PDE8B: variants seen among roughly 807,000 people sequenced by gnomAD.
PDE8B encodes the protein phosphodiesterase 8B.
In PDE8B, 26 loss-of-function variants were observed where a neutral mutation model predicts 101.3. That is an observed-to-expected ratio of 0.26 (90% CI 0.19 to 0.36). The LOEUF is 0.36. Ranked by LOEUF, PDE8B falls within the 10% of genes least tolerant of loss-of-function variation. The pLI is 1.00. For synonymous variants in PDE8B, 424 were observed against 429.3 expected (o/e 0.99, Z 0.15); for missense variants, 810 against 1,163.1 (o/e 0.70, Z 4.42).
intron 19 of PDE8B, among the ~76,000 whole-genome samples, chr5:77,420,602 T>G (rs746972757): frequency 2.0e-5 from 3 of 152,214 alleles, no homozygotes; most frequent in South Asian, 4.1e-4. Context: ...AGTAAGGAGA[T>G]GAACTGTGTA....
At chr5:77,405,852 C>T (rs1793320364) in intron 12 of PDE8B, among the ~76,000 whole-genome samples, 2 of 152,048 alleles carry the variant, frequency 1.3e-5, no homozygotes, top group Non-Finnish European at 1.5e-5. Flanking sequence ...TGGGAGGACA[C>T]GTTCTGGGGT....
the PDE8B span, among the ~76,000 whole-genome samples, chr5:77,122,979 A>G: frequency 5.9e-5 from 9 of 152,322 alleles, no homozygotes; most frequent in East Asian, 1.7e-3. Context: ...GAAATTATAC[A>G]AAGTGTTGTC....
At chr5:77,266,974 C>T (rs1761846458) in intron 1 of PDE8B, among the ~76,000 whole-genome samples, 1 of 152,084 alleles carries the variant, frequency 6.6e-6, no homozygotes, top group Non-Finnish European at 1.5e-5. Flanking sequence ...TTGTTCCAAA[C>T]ATCCAAATTT....
chr5:77,423,829 G>A (rs1027261902), intron 20 of PDE8B, among the ~76,000 whole-genome samples: 2 of 151,626 alleles, frequency 1.3e-5, no homozygotes, highest in Admixed American at 6.6e-5. Flanking sequence ...TAGAGATGGG[G>A]TTTCCCTGTG....
At chr5:77,388,446 T>C (rs545416020) in intron 10 of PDE8B, among the ~76,000 whole-genome samples, 427 of 152,338 alleles carry the variant, frequency 2.8e-3, no homozygotes, top group African/African-American at 0.01. Flanking sequence ...CTCTGGAAGC[T>C]TCAGCCCAAA....
the PDE8B span, among the ~76,000 whole-genome samples, chr5:77,169,417 C>CA: frequency 6.6e-6 from 1 of 152,188 alleles, no homozygotes; most frequent in Non-Finnish European, 1.5e-5. Context: ...GGCTGACCCC[C>CA]AACGTCTGAG....
intron 1 of PDE8B, among the ~76,000 whole-genome samples, chr5:77,212,346 A>G (rs1417394770): frequency 2.0e-5 from 3 of 152,348 alleles, no homozygotes; most frequent in East Asian, 3.9e-4. Context: ...ATAGTTAAAA[A>G]CTTGGTCTTC....
chr5:77,207,828 A>G (rs548500004), upstream of PDE8B, among the ~76,000 whole-genome samples: 3 of 152,284 alleles, frequency 2.0e-5, no homozygotes, highest in East Asian at 5.8e-4. Flanking sequence ...CACTTGGTGG[A>G]GATTATAAGG....
At chr5:77,391,984 A>G (rs542845296) in intron 10 of PDE8B, among the ~76,000 whole-genome samples, 2 of 152,350 alleles carry the variant, frequency 1.3e-5, no homozygotes, top group East Asian at 3.9e-4. Flanking sequence ...AAGTAGCTGT[A>G]TAGCAAATGG....
chr5:77,291,051 T>C (rs1767214742), intron 1 of PDE8B: 2 of 1,611,286 alleles, frequency 1.2e-6, no homozygotes, highest in Non-Finnish European at 1.7e-6. Context: ...GCAGGAGAGG[T>C]TTGGGAGAAG....
intron 10 of PDE8B, among the ~76,000 whole-genome samples, chr5:77,388,677 C>T (rs1260401187): frequency 1.3e-5 from 2 of 152,172 alleles, no homozygotes; most frequent in East Asian, 3.9e-4. Context: ...CCACAGCTGC[C>T]CCTTCCCCAA....
In PDE8B at chr5:77,358,396, G is replaced by A. The variant is rs917274174; in HGVS notation, c.1167+4990G>A. On this transcript the variant is annotated intron_variant, in intron 10 of 21. Transcript: ENST00000264917. ...CCCATGTCTCTACCCTGCAAAGAGG[G>A]AGCAGGGACACTTTTTGTCTGCACC... 7 of 974,350 alleles carry A rather than the reference G, an allele frequency of 7.2e-6. No homozygotes were observed. In the African/African-American group the frequency reaches 1.1e-4, roughly 15 times the overall value. The allele number at this position is 974,350 out of a possible 1,614,324, so 60.4% of individuals were successfully genotyped here.
the PDE8B span, among the ~76,000 whole-genome samples, chr5:77,127,425 T>C: frequency 4.7e-4 from 72 of 152,316 alleles, no homozygotes; most frequent in African/African-American, 1.7e-3. Flanking sequence ...TCCACCATGA[T>C]TGTAAGTTTC....
intron 1 of PDE8B, among the ~76,000 whole-genome samples, chr5:77,295,502 T>C (rs1348683233): frequency 6.6e-6 from 1 of 152,188 alleles, no homozygotes; most frequent in Non-Finnish European, 1.5e-5. Context: ...TCTCCTCTGC[T>C]CAGGTGTTGG....
rs142603798 is a variant in PDE8B at position 77,369,064 on chromosome 5, G to A, written c.1167+15658G>A. Reference sequence around the variant, plus strand: ...CTAAAAATACAAAAATTAGCTGGGCGTGGTGGTGCAGGCCTGTAATCCAAG... The same window carrying A: ...CTAAAAATACAAAAATTAGCTGGGCATGGTGGTGCAGGCCTGTAATCCAAG... On this transcript the variant is annotated intron_variant, in intron 10 of 21. Coordinates refer to ENST00000264917, the MANE Select transcript of PDE8B (RefSeq NM_003719.5). 6.7e-4 allele frequency among the ~76,000 whole-genome samples: 102 copies of A among 151,702 alleles called. 2 individuals are homozygous for A. The South Asian group carries it at 0.017, about 26-fold the overall frequency.
the PDE8B span, among the ~76,000 whole-genome samples, chr5:77,163,717 C>G: frequency 1.3e-5 from 2 of 152,176 alleles, no homozygotes; most frequent in African/African-American, 4.8e-5. Context: ...TAGTCTCTGC[C>G]CAATTGGCCA....
intron 10 of PDE8B, among the ~76,000 whole-genome samples, chr5:77,365,685 A>G (rs1783987823): frequency 6.6e-6 from 1 of 152,232 alleles, no homozygotes; most frequent in Non-Finnish European, 1.5e-5. Flanking sequence ...TGTCAGGGCC[A>G]GGGAGCTTGG....
rs78495340 is a variant in PDE8B, at chr5:77,305,306, G to A, written c.340-6688G>A. ...TTCTAGACCAGAGGATTGGAAGCAG[G>A]AAGGAGAAGGGAAGCTCATGGGCTG... On this transcript the variant is annotated intron_variant, in intron 1 of 21. Coordinates refer to ENST00000264917, the MANE Select transcript of PDE8B (RefSeq NM_003719.5). 3.6e-4 allele frequency among the ~76,000 whole-genome samples: 55 copies of A among 152,322 alleles called. 1 individual carries two copies. The East Asian group carries it at 0.011, about 29-fold the overall frequency.
chr5:77,193,537 T>C, the PDE8B span, among the ~76,000 whole-genome samples: 2 of 152,344 alleles, frequency 1.3e-5, no homozygotes, highest in African/African-American at 4.8e-5. Context: ...TCTATTTGTT[T>C]GTCCTTATGC....
Sources: gnomAD v4.1 joint callset for allele counts (sites outside exome capture counted in the v4.1 genomes callset) on GRCh38, gnomAD v4.1.1 for gene constraint, MANE v1.5 for transcripts, NCBI Gene and HGNC (gene_info 2026-07-23, HGNC 2026-07-21) for gene names.